OPA3: variants seen among roughly 807,000 people sequenced by gnomAD.
OPA3 encodes optic atrophy 3 protein.
In OPA3, 6 loss-of-function variants were observed where a neutral mutation model predicts 4.0. That is an observed-to-expected ratio of 1.51 (90% CI 0.83 to 2.99). OPA3 has a LOEUF of 2.99. Ranked by LOEUF, OPA3 falls within the 30% of genes most tolerant of loss-of-function variation. The pLI, the probability that OPA3 is intolerant of heterozygous loss-of-function variation, is 0.00. For synonymous variants in OPA3, 105 were observed against 117.1 expected, an observed-to-expected ratio of 0.90 and a Z score of 0.67; for missense variants, 235 against 256.2, an observed-to-expected ratio of 0.92 and a Z score of 0.56.
downstream of OPA3, among the ~76,000 whole-genome samples, chr19:45,542,404 CTAGA>C (rs1414658933): frequency 1.3e-5 from 2 of 152,162 alleles, no homozygotes; most frequent in South Asian, 4.1e-4. Flanking sequence ...TTACACGAAC[CTAGA>C]TAGTGTGGCC....
At position 45,547,017 on chromosome 19, in the gene OPA3, G is replaced by C. The variant is rs1043808925; in HGVS notation, c.*6497C>G. ...CACGTGGCTGTAGATTGAGGTGGAG[G>C]TTCTGAGATCTGCGCGCAGTGGGGG... On this transcript the variant is annotated 3_prime_UTR_variant, in exon 2 of 2. Transcript: ENST00000263275. 1 of 152,322 alleles carries C rather than the reference G, an allele frequency of 6.6e-6. No individual in the cohort carries two copies. Among genetic ancestry groups the C allele is most frequent in the East Asian group, 1.9e-4 (1 of 5,204 alleles). 9.4% of individuals were successfully genotyped at this position (152,322 alleles called of 1,614,324 possible). A position where few individuals can be genotyped will look rare whatever the true frequency, so the allele number is the denominator to read the frequency against.
chr19:45,563,005 A>G (rs1379922518), intron 1 of OPA3, among the ~76,000 whole-genome samples: 2 of 152,162 alleles, frequency 1.3e-5, no homozygotes, highest in African/African-American at 4.8e-5. Flanking sequence ...ACTGTGAGGA[A>G]ATGGACCTTC....
At chr19:45,544,884 G>A (rs1206872968), downstream of OPA3, among the ~76,000 whole-genome samples, 1 of 151,992 alleles carries the variant, frequency 6.6e-6, no homozygotes, top group Non-Finnish European at 1.5e-5. Context: ...TTGGGAGGCT[G>A]AGGCAGGAGA....
rs181997687 is a variant in OPA3, at chr19:45,565,147, T to C, written c.143-11236A>G. Among the ~76,000 whole-genome samples the C allele has an allele frequency of 7.1e-3, 1,080 of 152,010 alleles. 9 individuals are homozygous for C. Among genetic ancestry groups the C allele is most frequent in the Non-Finnish European group, 0.011 (720 of 67,974 alleles). On this transcript the variant is annotated intron_variant, in intron 1 of 1. Coordinates refer to ENST00000263275, the MANE Select transcript of OPA3 (RefSeq NM_025136.4). ...TACTTCGGAGGCTGAGGTAGGAGAA[T>C]TGCTTGAACCTGGGAGGCGGAGGTT...
chr19:45,549,356 T>C lies in OPA3; in HGVS notation c.*4158A>G. 1 of 922,844 alleles carries C rather than the reference T, an allele frequency of 1.1e-6. No individual in the cohort carries two copies. Among genetic ancestry groups the C allele is most frequent in the South Asian group, 5.2e-5 (1 of 19,190 alleles). The allele number at this position is 922,844 out of a possible 1,614,324, so 57.2% of individuals were successfully genotyped here. On this transcript the variant is annotated 3_prime_UTR_variant, in exon 2 of 2. Coordinates refer to ENST00000263275, the MANE Select transcript of OPA3 (RefSeq NM_025136.4). Reference sequence around the variant, plus strand: ...GGCCCTGCTGCCCACGATGACTGGCTGCCTGTCAGGGCAGGGCAGGGCAGG... The same window carrying C: ...GGCCCTGCTGCCCACGATGACTGGCCGCCTGTCAGGGCAGGGCAGGGCAGG...
intron 1 of OPA3, among the ~76,000 whole-genome samples, chr19:45,540,827 A>G (rs1463093063): frequency 6.6e-6 from 1 of 151,880 alleles, no homozygotes. Flanking sequence ...CAAAAAAGCC[A>G]GAACACCGGG....
intron 1 of OPA3, among the ~76,000 whole-genome samples, chr19:45,535,896 C>T (rs1352841317): frequency 6.6e-6 from 1 of 151,418 alleles, no homozygotes; most frequent in Non-Finnish European, 1.5e-5. Flanking sequence ...TCCTGAGTAG[C>T]TGGGACTAAA....
intron 1 of OPA3, among the ~76,000 whole-genome samples, chr19:45,577,244 C>T (rs771438646): frequency 1.1e-4 from 16 of 152,222 alleles, no homozygotes; most frequent in Admixed American, 2.6e-4. Context: ...ACAGCTACTG[C>T]TCCAGCCTCT....
chr19:45,555,822 G>C (rs1352450869), intron 1 of OPA3, among the ~76,000 whole-genome samples: 1 of 151,938 alleles, frequency 6.6e-6, no homozygotes, highest in Non-Finnish European at 1.5e-5. Flanking sequence ...TAGAGATGGG[G>C]TTTATCAGTA....
chr19:45,559,393 C>CTTTTTTTTTTTTTTTTTTTTTTTT lies in OPA3; in HGVS notation c.143-5483_143-5482insAAAAAAAAAAAAAAAAAAAAAAAA, dbSNP rs1411300137. On this transcript the variant is annotated intron_variant, in intron 1 of 1. Transcript: ENST00000263275. ...TTCTCTCTCTTCTTTCCCTCTTTTT[C>CTTTTTTTTTTTTTTTTTTTTTTTT]TTTCTTTTTTTTTTTTTTTTTTTTT... Among the ~76,000 whole-genome samples, 2 of 97,824 alleles carry CTTTTTTTTTTTTTTTTTTTTTTTT rather than the reference C, an allele frequency of 2.0e-5. 1 individual carries two copies. The highest frequency in any genetic ancestry group is 8.3e-5 in the African/African-American group (2 of 24,082). The allele number at this position is 97,824 out of a possible 152,430, so 64.2% of individuals were successfully genotyped here.
intron 1 of OPA3, among the ~76,000 whole-genome samples, chr19:45,569,180 C>T (rs553785858): frequency 3.3e-5 from 5 of 152,104 alleles, no homozygotes; most frequent in Non-Finnish European, 5.9e-5. Flanking sequence ...AGGCTAGGGC[C>T]GAGCGCTGTG....
At chr19:45,563,801 G>T (rs1969540797) in intron 1 of OPA3, among the ~76,000 whole-genome samples, 1 of 150,794 alleles carries the variant, frequency 6.6e-6, no homozygotes, top group Non-Finnish European at 1.5e-5. Context: ...TGATCCACCT[G>T]CCTCGGCCTC....
chr19:45,546,404 A>G lies in OPA3; in HGVS notation c.*7110T>C, dbSNP rs1207659017. 2 of 590,232 alleles carry G rather than the reference A, an allele frequency of 3.4e-6. No individual in the cohort carries two copies. The highest frequency in any genetic ancestry group is 4.0e-5 in the African/African-American group (2 of 49,532). 36.6% of individuals were successfully genotyped at this position (590,232 alleles called of 1,614,324 possible). On this transcript the variant is annotated 3_prime_UTR_variant, in exon 2 of 2. Coordinates refer to ENST00000263275, the MANE Select transcript of OPA3 (RefSeq NM_025136.4). ...ATATATATTTTATATTCCATTATATATTGTGTCACATAATATATGAATTAT... is the reference window on the plus strand; with the variant it reads ...ATATATATTTTATATTCCATTATATGTTGTGTCACATAATATATGAATTAT...
At position 45,549,482 on chromosome 19, in the gene OPA3, C is replaced by T. The variant is rs1969300736; in HGVS notation, c.*4032G>A. Reference sequence around the variant, plus strand: ...GCTCCTGCCTGTGTTCACACTCCCACCTCTGTTTTTTTTTTTTGAGTTGAG... The same window carrying T: ...GCTCCTGCCTGTGTTCACACTCCCATCTCTGTTTTTTTTTTTTGAGTTGAG... On this transcript the variant is annotated 3_prime_UTR_variant, in exon 2 of 2. Coordinates refer to ENST00000263275, the MANE Select transcript of OPA3 (RefSeq NM_025136.4). 7.1e-6 allele frequency: 7 copies of T among 985,174 alleles called. No homozygotes were observed. The highest frequency in any genetic ancestry group is 8.4e-6 in the Non-Finnish European group (7 of 829,988). The allele number at this position is 985,174 out of a possible 1,614,324, so 61.0% of individuals were successfully genotyped here. A position where few individuals can be genotyped will look rare whatever the true frequency, so the allele number is the denominator to read the frequency against.
intron 1 of OPA3, among the ~76,000 whole-genome samples, chr19:45,577,400 C>A (rs1969785232): frequency 1.3e-5 from 2 of 152,180 alleles, no homozygotes; most frequent in South Asian, 4.1e-4. Flanking sequence ...ATCACCATGG[C>A]TGGGGGCCAC....
At chr19:45,563,148 T>G (rs939347531) in intron 1 of OPA3, among the ~76,000 whole-genome samples, 1 of 152,084 alleles carries the variant, frequency 6.6e-6, no homozygotes, top group Admixed American at 6.6e-5. Context: ...TGCAGCATAG[T>G]GTATGATAAC....
At chr19:45,579,111 G>A (rs75208769) in intron 1 of OPA3, among the ~76,000 whole-genome samples, 1,899 of 152,200 alleles carry the variant, frequency 0.012, 20 homozygotes, top group Non-Finnish European at 0.018. Flanking sequence ...CATATTTTCA[G>A]TGAGTTCTCC....
chr19:45,575,506 T>C (rs1159869215), intron 1 of OPA3, among the ~76,000 whole-genome samples: 1 of 152,144 alleles, frequency 6.6e-6, no homozygotes, highest in Non-Finnish European at 1.5e-5. Flanking sequence ...TGAGCACTTC[T>C]GAAAAAATGA....
At chr19:45,576,927 CCAGT>C (rs1046400811) in intron 1 of OPA3, among the ~76,000 whole-genome samples, 3 of 152,136 alleles carry the variant, frequency 2.0e-5, no homozygotes, top group Admixed American at 6.6e-5. Flanking sequence ...CTTTGGGGGA[CCAGT>C]CACTCTACTG....
Sources: allele counts gnomAD v4.1 joint callset (sites outside exome capture counted in the v4.1 genomes callset), GRCh38; gene constraint gnomAD v4.1.1; transcripts MANE v1.5; gene names NCBI Gene and HGNC (gene_info 2026-07-23, HGNC 2026-07-21).